SLC8A1: variants seen among roughly 807,000 people sequenced by gnomAD.
SLC8A1 encodes the protein solute carrier family 8 member A1.
Under a neutral mutation model 68.3 loss-of-function variants are expected in SLC8A1, and 18 were observed. The observed-to-expected ratio is 0.26, with a 90% CI of 0.18 to 0.39. The LOEUF (loss-of-function observed/expected upper bound fraction) is 0.39, where lower values mean the gene tolerates loss of function less well. Ranked by LOEUF, SLC8A1 falls within the 10% of genes least tolerant of loss-of-function variation. The probability of loss-of-function intolerance (pLI) is 1.00; values close to 1 mark genes in which losing one functional copy is unlikely to be tolerated. For synonymous variants in SLC8A1, 475 were observed against 415.5 expected (o/e 1.14, Z -1.74); for missense variants, 985 against 1,156.7 (o/e 0.85, Z 2.15).
chr2:40,164,063 G>C (rs551554904), intron 5 of SLC8A1, among the ~76,000 whole-genome samples: 1 of 152,172 alleles, frequency 6.6e-6, no homozygotes, highest in African/African-American at 2.4e-5. Context: ...GAAAGCAAGA[G>C]AGGGGATGCA....
chr2:40,114,835 T>C (rs2035034911), exon 8 of SLC8A1: 1 of 152,540 alleles, frequency 6.6e-6, no homozygotes, highest in Non-Finnish European at 1.5e-5. Flanking sequence ...CCATTTACAT[T>C]TGGATGGTTT....
chr2:40,162,864 G>A (rs753002500), intron 5 of SLC8A1, among the ~76,000 whole-genome samples: 3 of 152,170 alleles, frequency 2.0e-5, no homozygotes, highest in Non-Finnish European at 4.4e-5. Context: ...AACTCAGTGG[G>A]TAAAGCAGAG....
intron 2 of SLC8A1, among the ~76,000 whole-genome samples, chr2:40,392,168 G>C (rs536298581): frequency 5.5e-5 from 8 of 146,374 alleles, no homozygotes; most frequent in Non-Finnish European, 1.1e-4. Context: ...AAAAAAGAAA[G>C]GAAGAGAGGA....
chr2:40,177,771 C>A (rs1353306840), exon 3 of SLC8A1: 1 of 1,548,346 alleles, frequency 6.5e-7, no homozygotes, highest in Admixed American at 2.0e-5. Flanking sequence ...CTCTTCTTAT[C>A]CATTTTGGTT....
At chr2:40,405,211 C>A (rs759626641) in intron 2 of SLC8A1, among the ~76,000 whole-genome samples, 2 of 152,192 alleles carry the variant, frequency 1.3e-5, no homozygotes, top group Non-Finnish European at 2.9e-5. Flanking sequence ...AATTTCAGAA[C>A]ATAAATGAAT....
chr2:40,293,404 G>GTTTATT, intron 2 of SLC8A1, among the ~76,000 whole-genome samples: 2 of 152,158 alleles, frequency 1.3e-5, no homozygotes, highest in African/African-American at 4.8e-5. Context: ...TGTAAATAAA[G>GTTTATT]TTGTATATTG....
At chr2:40,276,175 A>G (rs771941088) in intron 2 of SLC8A1, among the ~76,000 whole-genome samples, 2 of 152,198 alleles carry the variant, frequency 1.3e-5, no homozygotes, top group African/African-American at 4.8e-5. Flanking sequence ...TTTGAGATCT[A>G]ATGATCAGCT....
chr2:40,169,579 C>G (rs572017154), intron 4 of SLC8A1, among the ~76,000 whole-genome samples: 6 of 152,304 alleles, frequency 3.9e-5, no homozygotes, highest in Admixed American at 2.0e-4. Flanking sequence ...CTGGGCATAT[C>G]TGGCTAACAT....
intron 2 of SLC8A1, among the ~76,000 whole-genome samples, chr2:40,425,427 G>C (rs1194438721): frequency 6.6e-6 from 1 of 151,764 alleles, no homozygotes; most frequent in African/African-American, 2.4e-5. Flanking sequence ...CTCCATCCTT[G>C]ATCAGATTGG....
chr2:40,454,681 T>TCA (rs1311229229), upstream of SLC8A1, among the ~76,000 whole-genome samples: 1 of 152,218 alleles, frequency 6.6e-6, no homozygotes, highest in African/African-American at 2.4e-5. Context: ...CCTTTTTGGT[T>TCA]CAGTCAGTTT....
intron 2 of SLC8A1, among the ~76,000 whole-genome samples, chr2:40,230,397 A>G (rs967234926): frequency 6.6e-6 from 1 of 152,092 alleles, no homozygotes; most frequent in Non-Finnish European, 1.5e-5. Context: ...GTGCTTCTTT[A>G]TAAGCAGCCC....
chr2:40,442,088 T>G (rs1211815575), intron 1 of SLC8A1, among the ~76,000 whole-genome samples: 1 of 145,988 alleles, frequency 6.8e-6, no homozygotes, highest in Non-Finnish European at 1.5e-5. Context: ...TTAGGAGATA[T>G]ACCTAATGCT....
chr2:40,356,822 C>T lies in SLC8A1; in HGVS notation c.1808+71651G>A, dbSNP rs370960437. On this transcript the variant is annotated intron_variant, in intron 2 of 7. Coordinates refer to ENST00000406785, the Ensembl canonical transcript of SLC8A1. ...CATGCCTTGTTAATGTGAGGAGAAACCAATGTGAGACAATAGCAGTCATAT... is the reference window on the plus strand; with the variant it reads ...CATGCCTTGTTAATGTGAGGAGAAATCAATGTGAGACAATAGCAGTCATAT... 7.2e-5 allele frequency among the ~76,000 whole-genome samples: 11 copies of T among 152,222 alleles called. No homozygotes were observed. The East Asian group carries it at 1.4e-3, about 19-fold the overall frequency.
intron 2 of SLC8A1, among the ~76,000 whole-genome samples, chr2:40,381,184 G>A (rs78599062): frequency 2.1e-4 from 32 of 151,772 alleles, no homozygotes; most frequent in East Asian, 5.9e-4. Context: ...GGCTGCACTC[G>A]GCAATACCAC....
intron 7 of SLC8A1, among the ~76,000 whole-genome samples, chr2:40,117,432 G>A (rs72942563): frequency 0.28 from 39,550 of 140,402 alleles, 6,071 homozygotes; most frequent in East Asian, 0.64. Context: ...AGGCGTGGTG[G>A]TACACACCTG....
chr2:40,182,665 A>G (rs1357350800), intron 2 of SLC8A1, among the ~76,000 whole-genome samples: 2 of 152,220 alleles, frequency 1.3e-5, no homozygotes, highest in African/African-American at 2.4e-5. Context: ...AACATCTTCA[A>G]ACAGACTACC....
At chr2:40,304,069 T>C (rs2072092397) in intron 2 of SLC8A1, among the ~76,000 whole-genome samples, 1 of 152,218 alleles carries the variant, frequency 6.6e-6, no homozygotes, top group Admixed American at 6.5e-5. Flanking sequence ...GTTGCATAAA[T>C]GCAAAATAAC....
intron 2 of SLC8A1, among the ~76,000 whole-genome samples, chr2:40,379,094 C>A (rs1009742973): frequency 1.3e-5 from 2 of 152,054 alleles, no homozygotes; most frequent in African/African-American, 4.8e-5. Flanking sequence ...TAATAGATGC[C>A]ATTTTAATAA....
intron 7 of SLC8A1, among the ~76,000 whole-genome samples, chr2:40,125,121 G>A (rs186400745): frequency 2.4e-4 from 36 of 152,290 alleles, no homozygotes; most frequent in African/African-American, 8.7e-4. Context: ...GTTAAAAATA[G>A]ACATTTAAAT....
Sources: gnomAD v4.1 joint callset for allele counts (sites outside exome capture counted in the v4.1 genomes callset) on GRCh38, gnomAD v4.1.1 for gene constraint, MANE v1.5 for transcripts, NCBI Gene and HGNC (gene_info 2026-07-23, HGNC 2026-07-21) for gene names.